Variants in FHAD1 observed in about 807,000 individuals in gnomAD.
FHAD1 encodes the protein forkhead-associated domain-containing protein 1.
FHAD1 carries 146 observed loss-of-function variants against 191.3 expected under a neutral mutation model. The ratio of observed to expected loss-of-function variants is 0.76; its 90% CI spans 0.67 to 0.88. The LOEUF (loss-of-function observed/expected upper bound fraction) is 0.88. Ranked by LOEUF, FHAD1 falls within the 40% of genes least tolerant of loss-of-function variation. The probability of loss-of-function intolerance (pLI) is 0.00; values close to 1 mark genes in which losing one functional copy is unlikely to be tolerated. For synonymous variants in FHAD1, 616 were observed against 672.3 expected (o/e 0.92, Z 1.29); for missense variants, 1,635 against 1,785.8 (o/e 0.92, Z 1.52).
intron 3 of FHAD1, among the ~76,000 whole-genome samples, chr1:15,274,133 C>T (rs933761787): frequency 6.6e-6 from 1 of 152,164 alleles, no homozygotes; most frequent in African/African-American, 2.4e-5. Context: ...TTTGCTTATC[C>T]GTTCTTCCAT....
At chr1:15,345,710 T>G in intron 18 of FHAD1, 187 bp downstream of exon 18, 1 of 604,200 alleles carries the variant, frequency 1.7e-6, no homozygotes, top group Non-Finnish European at 3.0e-6. Flanking sequence ...AGTTGTAGCC[T>G]TGACAACCAG....
chr1:15,355,936 GA>G (rs71572151), intron 20 of FHAD1, among the ~76,000 whole-genome samples: 3,257 of 117,350 alleles, frequency 0.028, 49 homozygotes, highest in African/African-American at 0.046. Context: ...TAGAAAACTT[GA>G]AAAAAAAAAA....
chr1:15,350,009 G>T (rs1690269038), intron 19 of FHAD1, among the ~76,000 whole-genome samples: 1 of 152,244 alleles, frequency 6.6e-6, no homozygotes, highest in Admixed American at 6.5e-5. Flanking sequence ...CATGAGCTGG[G>T]CTTCGGGGAC....
At position 15,318,077 on chromosome 1, in the gene FHAD1, A is replaced by T; in HGVS notation, c.1365+149A>T. On this transcript the variant is annotated intron_variant, in intron 10 of 33. Transcript: ENST00000688493. The surrounding 1 kb of genome is among the most constrained non-coding windows in gnomAD (Gnocchi z 4.1). ...TCACACAGGGACAGGGACCAGGTTC[A>T]CTGCATAAAGTAGTTGTGGCAGGAC... is the stretch of plus-strand genomic sequence containing the variant. 1.7e-6 allele frequency: 1 copy of T among 589,570 alleles called. No individual in the cohort carries two copies. The highest frequency in any genetic ancestry group is 2.4e-5 in the South Asian group (1 of 41,884). The allele number at this position is 589,570 out of a possible 1,614,324, so 36.5% of individuals were successfully genotyped here. A position where few individuals can be genotyped will look rare whatever the true frequency, so the allele number is the denominator to read the frequency against.
chr1:15,371,859 C>T (rs2102848249), intron 26 of FHAD1, among the ~76,000 whole-genome samples: 1 of 152,364 alleles, frequency 6.6e-6, no homozygotes, highest in Non-Finnish European at 1.5e-5. Context: ...CTCACCGCTG[C>T]TGAGCCCTGG....
At chr1:15,291,670 C>T (rs985749936) in intron 4 of FHAD1, among the ~76,000 whole-genome samples, 1 of 152,162 alleles carries the variant, frequency 6.6e-6, no homozygotes. Flanking sequence ...GGGGGTCAGG[C>T]ATTTGGGAGT....
rs900290630 is a variant in FHAD1, at chr1:15,310,445, C to T, written c.1039+1709C>T. Among the ~76,000 whole-genome samples the T allele has an allele frequency of 4.6e-5, 7 of 152,284 alleles. No individual in the cohort carries two copies. In the South Asian group the frequency reaches 1.2e-3, roughly 27 times the overall value. On this transcript the variant is annotated intron_variant, in intron 7 of 33. Coordinates refer to ENST00000688493, the MANE Select transcript of FHAD1 (RefSeq NM_001391957.1). ...GGATCTCGCTGGGCCCTGCCCTCCT[C>T]CCCAGCGTCTGTCCATCACACCCCA... is the stretch of plus-strand genomic sequence containing the variant.
intron 6 of FHAD1, 98 bp downstream of exon 6, chr1:15,301,539 C>G (rs1244596022): frequency 1.0e-6 from 1 of 977,624 alleles, no homozygotes; most frequent in African/African-American, 1.6e-5. Flanking sequence ...TTAGGGAACG[C>G]GTGGTCAGTG....
intron 3 of FHAD1, among the ~76,000 whole-genome samples, chr1:15,286,327 AC>A (rs1662392177): frequency 6.6e-6 from 1 of 152,004 alleles, no homozygotes; most frequent in Admixed American, 6.6e-5. Flanking sequence ...ACATGGCAAA[AC>A]CCCATTTCTA....
chr1:15,327,403 A>G lies in FHAD1; in HGVS notation c.1557+261A>G, dbSNP rs368449385. The G allele has an allele frequency of 2.6e-6, 1 of 387,674 alleles. No individual in the cohort carries two copies. The highest frequency in any genetic ancestry group is 2.1e-5 in the African/African-American group (1 of 47,996). The allele number at this position is 387,674 out of a possible 1,614,324, so 24.0% of individuals were successfully genotyped here. Reference sequence around the variant, plus strand: ...GCTTACTTCTGGTCTCCAGACATGCATGTTTCGCCTCCATTAGCACTGGGA... The same window carrying G: ...GCTTACTTCTGGTCTCCAGACATGCGTGTTTCGCCTCCATTAGCACTGGGA... On this transcript the variant is annotated intron_variant, in intron 12 of 33. Transcript: ENST00000688493. The surrounding 1 kb of genome is among the most constrained non-coding windows in gnomAD (Gnocchi z 5.1).
intron 16 of FHAD1, among the ~76,000 whole-genome samples, chr1:15,342,863 G>GT (rs1181269193): frequency 6.6e-6 from 1 of 151,434 alleles, no homozygotes; most frequent in Non-Finnish European, 1.5e-5. Flanking sequence ...ATCTTGCAAT[G>GT]TTGCCCAGGC....
chr1:15,279,265 C>A (rs112876249), intron 3 of FHAD1, among the ~76,000 whole-genome samples: 6 of 152,202 alleles, frequency 3.9e-5, no homozygotes, highest in African/African-American at 1.4e-4. Context: ...GCATATTTTC[C>A]AGGAAATTTT....
intron 24 of FHAD1, among the ~76,000 whole-genome samples, chr1:15,366,842 C>T (rs1696636774): frequency 6.6e-6 from 1 of 152,240 alleles, no homozygotes; most frequent in Admixed American, 6.5e-5. Flanking sequence ...CTCCCTCCTT[C>T]TTGCATCTGA....
intron 6 of FHAD1, among the ~76,000 whole-genome samples, chr1:15,304,158 C>G (rs376399448): frequency 4.6e-5 from 7 of 152,238 alleles, no homozygotes; most frequent in African/African-American, 1.7e-4. Flanking sequence ...CAAAGCCCTT[C>G]GATCTGATAC....
chr1:15,369,604 G>A, intron 26 of FHAD1, 102 bp downstream of exon 26: 2 of 1,348,270 alleles, frequency 1.5e-6, no homozygotes, highest in East Asian at 2.5e-5. Context: ...AGTTCCAAAA[G>A]TATGGCTTGC....
At chr1:15,337,626 T>C (rs1460457478) in intron 14 of FHAD1, among the ~76,000 whole-genome samples, 1 of 152,136 alleles carries the variant, frequency 6.6e-6, no homozygotes, top group Non-Finnish European at 1.5e-5. Flanking sequence ...CATCCCACAA[T>C]GCCTAAGACA....
In FHAD1 at chr1:15,251,802, G is replaced by T; in HGVS notation, c.18G>T (p.Lys6Asn). The change falls in exon 2 of 34, where the codon AAG becomes AAT. Residue 6 changes from lysine to asparagine, a missense_variant. Physicochemically the swap from Lys to Asn is moderately conservative, Grantham distance 94 (BLOSUM62 0). Coordinates refer to ENST00000688493, the MANE Select transcript of FHAD1 (RefSeq NM_001391957.1). MKAYL[K>N]SAEGFFVLNK... ...CAGAGAGGATGAAGGCCTATCTAAA[G>T]AGCGCAGAAGGCTTTTTTGTCCTAA... 4.5e-6 allele frequency: 7 copies of T among 1,552,108 alleles called. No individual in the cohort carries two copies. The highest frequency in any genetic ancestry group is 6.1e-6 in the Non-Finnish European group (7 of 1,147,078).
At chr1:15,356,430 C>G (rs1692822241) in intron 20 of FHAD1, among the ~76,000 whole-genome samples, 1 of 152,214 alleles carries the variant, frequency 6.6e-6, no homozygotes, top group Admixed American at 6.5e-5. Context: ...GGGTGATCAT[C>G]TGAAGGAGTC....
intron 33 of FHAD1, among the ~76,000 whole-genome samples, chr1:15,396,959 C>T (rs1487412098): frequency 2.0e-5 from 3 of 148,982 alleles, no homozygotes; most frequent in Admixed American, 6.8e-5. Flanking sequence ...CCAAGACGGG[C>T]GGATCACGAG....
Sources: allele counts gnomAD v4.1 joint callset (sites outside exome capture counted in the v4.1 genomes callset), GRCh38; gene constraint gnomAD v4.1.1; non-coding constraint Gnocchi (gnomAD v3.1); transcripts MANE v1.5; gene names NCBI Gene and HGNC (gene_info 2026-07-23, HGNC 2026-07-21).